Variants in ZFP30 observed in about 807,000 individuals in gnomAD.
The protein encoded by ZFP30 is ZFP30 zinc finger protein.
A neutral mutation model predicts 12.3 loss-of-function variants in ZFP30; 16 were observed. The observed-to-expected ratio is 1.30, with a 90% CI of 0.88 to 1.98. The LOEUF is 1.98. Among genes scored for constraint, ZFP30 ranks in the 30% most tolerant of loss-of-function variants. The pLI, the probability that ZFP30 is intolerant of heterozygous loss-of-function variation, is 0.00. For synonymous variants in ZFP30, 172 were observed against 201.0 expected (o/e 0.86, Z 1.22); for missense variants, 560 against 611.2 (o/e 0.92, Z 0.88).
In ZFP30 at chr19:37,635,358, A is replaced by C. The variant is rs371199734; in HGVS notation, c.1183T>G (p.Ser395Ala). ...ATACCCTGATGTGAAATAAGTTCTG[A>C]GTAACGACGAAAGAACTTCTGACAT... ...KECQKFFRRY[S>A]ELISHQGIHI... Residue 395 changes from serine (S) to alanine (A), a missense_variant, in exon 6 of 6, where the codon TCA becomes GCA. Physicochemically the swap from Ser to Ala is moderately conservative, Grantham distance 99. Transcript: ENST00000684514. 6.2e-7 allele frequency: 1 copy of C among 1,613,504 alleles called. No individual in the cohort carries two copies. Among genetic ancestry groups the C allele is most frequent in the South Asian group, 1.1e-5 (1 of 91,050 alleles).
At chr19:37,648,504 A>C (rs2044585680) in intron 2 of ZFP30, among the ~76,000 whole-genome samples, 1 of 151,814 alleles carries the variant, frequency 6.6e-6, no homozygotes, top group Admixed American at 6.6e-5. Flanking sequence ...TCCTCCTCCC[A>C]TGGGTGCTTA....
At chr19:37,641,572 C>T (rs1200050523) in intron 5 of ZFP30, among the ~76,000 whole-genome samples, 2 of 152,188 alleles carry the variant, frequency 1.3e-5, no homozygotes, top group South Asian at 2.1e-4. Flanking sequence ...CTACTTCCTT[C>T]GTATTATTTG....
At position 37,635,505 on chromosome 19, in the gene ZFP30, T is replaced by C. The variant is rs147949197; in HGVS notation, c.1036A>G (p.Arg346Gly). 6.8e-6 allele frequency: 11 copies of C among 1,614,192 alleles called. No individual in the cohort carries two copies. Among genetic ancestry groups the C allele is most frequent in the African/African-American group, 2.7e-5 (2 of 75,052 alleles). ...RVRQQLTLHQ[R>G]IHTGEKPYDC... Reference sequence around the variant, plus strand: ...TAAGGCTTCTCACCAGTGTGAATTCTCTGATGGAGAGTAAGTTGCTGCCGC... The same window carrying C: ...TAAGGCTTCTCACCAGTGTGAATTCCCTGATGGAGAGTAAGTTGCTGCCGC... The change falls in exon 6 of 6, where the codon AGA (arginine) becomes GGA (glycine). Residue 346 changes from arginine to glycine, a missense_variant. Transcript: ENST00000684514.
intron 5 of ZFP30, among the ~76,000 whole-genome samples, chr19:37,637,203 C>CTTTTTTTTTTTTTTT (rs1002235029): frequency 2.3e-5 from 3 of 131,828 alleles, no homozygotes; most frequent in Non-Finnish European, 4.9e-5. Context: ...TTCTTTTTTT[C>CTTTTTTTTTTTTTTT]TTTTTTTTTT....
chr19:37,635,007 GGTAA>G lies in ZFP30; in HGVS notation c.1530_1533del (p.Tyr511IlefsTer7), dbSNP rs780182376. 2.6e-5 allele frequency: 41 copies of G among 1,558,648 alleles called. No homozygotes were observed. The highest frequency in any genetic ancestry group is 3.5e-4 in the Middle Eastern group (2 of 5,680). On this transcript the variant is annotated frameshift_variant, in exon 6 of 6. Coordinates refer to ENST00000684514, the MANE Select transcript of ZFP30 (RefSeq NM_001320669.3). LOFTEE classifies it high-confidence loss of function. ...TAAGTTACATTATGAATTCGCTGATGGTAAGTAAGATGTGAATGTTGTCTAAATG... is the reference window on the plus strand; with the variant it reads ...TAAGTTACATTATGAATTCGCTGATGGTAAGATGTGAATGTTGTCTAAATG...
Position 37,652,276 on chromosome 19 carries a change from AAAACCACCAG to A in ZFP30, c.-78+2426_-78+2435del, listed in dbSNP as rs1458949692. 4.9e-3 allele frequency among the ~76,000 whole-genome samples: 750 copies of A among 152,252 alleles called. 10 individuals are homozygous for A. Among genetic ancestry groups the A allele is most frequent in the African/African-American group, 0.016 (658 of 41,540 alleles). On this transcript the variant is annotated intron_variant, in intron 2 of 5. Coordinates refer to ENST00000684514, the MANE Select transcript of ZFP30 (RefSeq NM_001320669.3). ...TAGTATTAGCCTGTTCTTCAGAGAG[AAAACCACCAG>A]CCGGGTACGGTGGCTCACACCTGTA...
intron 5 of ZFP30, 22 bp downstream of exon 5, chr19:37,643,243 C>A: frequency 6.3e-7 from 1 of 1,597,504 alleles, no homozygotes; most frequent in Non-Finnish European, 8.6e-7. Flanking sequence ...TAATGGCTGA[C>A]CTCTGCCTGA....
At chr19:37,651,921 C>A (rs916556018) in intron 2 of ZFP30, among the ~76,000 whole-genome samples, 1 of 150,236 alleles carries the variant, frequency 6.7e-6, no homozygotes, top group Non-Finnish European at 1.5e-5. Context: ...ATTCAAGATA[C>A]ACTGAAAGAA....
rs2147299806 is a variant in ZFP30 at position 37,654,793 on chromosome 19, A to C, written c.-159T>G. On this transcript the variant is annotated 5_prime_UTR_variant, in exon 2 of 6. Coordinates refer to ENST00000684514, the MANE Select transcript of ZFP30 (RefSeq NM_001320669.3). ...CTCTGGAAACTGGCAGGGCTGGGGA[A>C]GCAGGCAGAGTTCAGGACACCCCAG... is the stretch of plus-strand genomic sequence containing the variant. The C allele has an allele frequency of 6.6e-6, 1 of 152,390 alleles. No individual in the cohort carries two copies. Among genetic ancestry groups the C allele is most frequent in the African/African-American group, 2.4e-5 (1 of 41,560 alleles). The allele number at this position is 152,390 out of a possible 1,614,324, so 9.4% of individuals were successfully genotyped here. A position where few individuals can be genotyped will look rare whatever the true frequency, so the allele number is the denominator to read the frequency against.
intron 2 of ZFP30, among the ~76,000 whole-genome samples, chr19:37,652,351 G>C (rs2044668000): frequency 2.6e-5 from 4 of 152,146 alleles, no homozygotes; most frequent in Admixed American, 2.6e-4. Flanking sequence ...TGGATTGTCT[G>C]AGGTCAGGAG....
rs1017343175 is a variant in ZFP30 at position 37,643,274 on chromosome 19, A to G, written c.226T>C (p.Trp76Arg). The change falls in exon 5 of 6, where the codon TGG (tryptophan) becomes CGG (arginine). Residue 76 changes from tryptophan to arginine, a missense_variant. Trp to Arg is a moderately radical substitution (Grantham distance 101). Coordinates refer to ENST00000684514, the MANE Select transcript of ZFP30 (RefSeq NM_001320669.3). ...WMVVRDEKRR[W>R]TLDLESRYDT... ...CCTGATCAGCACTTACCTAGAGTCC[A>G]TCTTCTTTTCTCATCCCTCACAACC... 6.2e-7 allele frequency: 1 copy of G among 1,611,338 alleles called. No homozygotes were observed. Among genetic ancestry groups the G allele is most frequent in the Non-Finnish European group, 8.5e-7 (1 of 1,179,028 alleles).
At chr19:37,645,462 CTTCTTT>C (rs2147277398) in intron 3 of ZFP30, among the ~76,000 whole-genome samples, 2 of 151,434 alleles carry the variant, frequency 1.3e-5, no homozygotes, top group Non-Finnish European at 2.9e-5. Flanking sequence ...GTTCCACATT[CTTCTTT>C]TTTTTTGTAA....
rs767189323 is a variant in ZFP30, at chr19:37,644,665, CTGATA to C, written c.76_80del (p.Tyr26GlufsTer13). 1.2e-5 allele frequency: 19 copies of C among 1,613,344 alleles called. No homozygotes were observed. In the East Asian group the frequency reaches 2.7e-4, roughly 23 times the overall value. On this transcript the variant is annotated frameshift_variant, in exon 4 of 6. Coordinates refer to ENST00000684514, the MANE Select transcript of ZFP30 (RefSeq NM_001320669.3). LOFTEE classifies it high-confidence loss of function. Reference sequence around the variant, plus strand: ...ATATCACATCTCTGTACAAATTCCTCTGATATGAGTTCAGGCATTCCCATTCTTCC... The same window carrying C: ...ATATCACATCTCTGTACAAATTCCTCTGAGTTCAGGCATTCCCATTCTTCC...
chr19:37,652,992 C>G (rs1387564815), intron 2 of ZFP30, among the ~76,000 whole-genome samples: 1 of 151,822 alleles, frequency 6.6e-6, no homozygotes, highest in Non-Finnish European at 1.5e-5. Context: ...TGGCGGGCAC[C>G]TGTAATCCCA....
Position 37,635,942 on chromosome 19 carries a change from T to C in ZFP30, c.599A>G (p.His200Arg). The C allele has an allele frequency of 6.2e-7, 1 of 1,614,190 alleles. No homozygotes were observed. Among genetic ancestry groups the C allele is most frequent in the Non-Finnish European group, 8.5e-7 (1 of 1,180,024 alleles). ...ECGKAFRQCA[H>R]LSRHQRIHTS... ...ATGAATTCTCTGATGTCGACTGAGG[T>C]GGGCACACTGTCTAAAGGCTTTTCC... is the stretch of plus-strand genomic sequence containing the variant. The change falls in exon 6 of 6, where the codon CAC (histidine) becomes CGC (arginine). Residue 200 changes from histidine (H) to arginine (R), a missense_variant. By Grantham distance (29) the His-to-Arg change is conservative. Coordinates refer to ENST00000684514, the MANE Select transcript of ZFP30 (RefSeq NM_001320669.3).
At chr19:37,647,712 T>C in intron 3 of ZFP30, 102 bp downstream of exon 3, 1 of 1,467,566 alleles carries the variant, frequency 6.8e-7, no homozygotes, top group Non-Finnish European at 9.5e-7. Flanking sequence ...GAGAAGCTGT[T>C]GAATGGGGCT....
rs1245292607 is a variant in ZFP30, at chr19:37,645,212, C to CA, written c.10-477dup. 6.3e-3 allele frequency among the ~76,000 whole-genome samples: 685 copies of CA among 108,762 alleles called. 6 individuals carry two copies. The highest frequency in any genetic ancestry group is 0.019 in the African/African-American group (551 of 29,572). The allele number at this position is 108,762 out of a possible 152,430, so 71.4% of individuals were successfully genotyped here. On this transcript the variant is annotated intron_variant, in intron 3 of 5. Coordinates refer to ENST00000684514, the MANE Select transcript of ZFP30 (RefSeq NM_001320669.3). ...AGAGCGACAGAGCGAGACTCCGTCT[C>CA]AAAAAAAAAAAAGAAAAAAAAAGTG...
At chr19:37,655,863 G>A (rs959958316), upstream of ZFP30, 4 of 152,182 alleles carry the variant, frequency 2.6e-5, no homozygotes, top group Non-Finnish European at 5.9e-5. Context: ...GCAAGCGCGC[G>A]GGGGGCGAAC....
intron 2 of ZFP30, among the ~76,000 whole-genome samples, chr19:37,648,211 G>A (rs1348239613): frequency 1.3e-5 from 2 of 152,282 alleles, no homozygotes; most frequent in East Asian, 3.9e-4. Flanking sequence ...CAAAGAATGG[G>A]TTGTGCAGAC....
Sources: gnomAD v4.1 joint callset for allele counts (sites outside exome capture counted in the v4.1 genomes callset) on GRCh38, gnomAD v4.1.1 for gene constraint, MANE v1.5 for transcripts, NCBI Gene and HGNC (gene_info 2026-07-23, HGNC 2026-07-21) for gene names.